The following EPHA5 variants were observed in gnomAD, a reference collection of about 807,000 sequenced individuals.
EPHA5 encodes the protein EPH receptor A5.
In EPHA5, 60 loss-of-function variants were observed where a neutral mutation model predicts 105.0. That is an observed-to-expected ratio of 0.57 (90% CI 0.46 to 0.71). The LOEUF (loss-of-function observed/expected upper bound fraction) is 0.71. EPHA5 is among the 30% of genes least tolerant of loss of function. EPHA5 has a pLI of 0.00. For missense variants in EPHA5, 1,218 were observed against 1,274.7 expected, an observed-to-expected ratio of 0.96 and a Z score of 0.68; for synonymous variants, 513 against 449.1, an observed-to-expected ratio of 1.14 and a Z score of -1.80.
At chr4:65,332,915 T>C (rs1214756679) in intron 15 of EPHA5, among the ~76,000 whole-genome samples, 1 of 151,904 alleles carries the variant, frequency 6.6e-6, no homozygotes, top group Non-Finnish European at 1.5e-5. Flanking sequence ...AAGAAACTAT[T>C]TATTCTTTAT....
At chr4:65,461,900 T>C (rs1405564746) in intron 5 of EPHA5, among the ~76,000 whole-genome samples, 1 of 151,892 alleles carries the variant, frequency 6.6e-6, no homozygotes, top group East Asian at 1.9e-4. Context: ...GAAACCCAGG[T>C]CAAGTCTACA....
chr4:65,570,675 T>A (rs1218164830), intron 3 of EPHA5, among the ~76,000 whole-genome samples: 1 of 151,992 alleles, frequency 6.6e-6, no homozygotes, highest in Non-Finnish European at 1.5e-5. Context: ...TAGCTATGTA[T>A]AAGTACTCTA....
At chr4:65,596,502 A>C (rs892411532) in intron 3 of EPHA5, among the ~76,000 whole-genome samples, 2 of 152,160 alleles carry the variant, frequency 1.3e-5, no homozygotes, top group Non-Finnish European at 2.9e-5. Flanking sequence ...ACAAACAAAA[A>C]ACAAAAAAAC....
chr4:65,536,497 C>T (rs1425711498), intron 3 of EPHA5, among the ~76,000 whole-genome samples: 1 of 151,842 alleles, frequency 6.6e-6, no homozygotes, highest in Non-Finnish European at 1.5e-5. Context: ...AGTTTTCTTA[C>T]ACTCTTTCAA....
At chr4:65,435,813 A>T (rs1047169179) in intron 5 of EPHA5, among the ~76,000 whole-genome samples, 4 of 129,670 alleles carry the variant, frequency 3.1e-5, no homozygotes, top group Non-Finnish European at 5.6e-5. Flanking sequence ...AAGCATAGAA[A>T]TGAAGCACTG....
intron 14 of EPHA5, among the ~76,000 whole-genome samples, chr4:65,346,006 A>G (rs1436662295): frequency 6.7e-6 from 1 of 149,104 alleles, no homozygotes; most frequent in Non-Finnish European, 1.5e-5. Context: ...CTCACGATCC[A>G]CCCGTCTCGG....
rs564497954 is a variant in EPHA5, at chr4:65,346,353, T to G, written c.2595+1701A>C. On this transcript the variant is annotated intron_variant, in intron 14 of 16. Coordinates refer to ENST00000613740, the MANE Select transcript of EPHA5 (RefSeq NM_001281766.3). ...CATTTTTCAACACATAAATTTATAA[T>G]TTTGTTAGTGAAAACTATCAAACTC... is the stretch of plus-strand genomic sequence containing the variant. Among the ~76,000 whole-genome samples, 363 of 152,180 alleles carry G rather than the reference T, an allele frequency of 2.4e-3. 3 individuals are homozygous for G. Among genetic ancestry groups the G allele is most frequent in the African/African-American group, 8.3e-3 (347 of 41,566 alleles).
rs987415892 is a variant in EPHA5 at position 65,636,842 on chromosome 4, C to T, written c.246+6521G>A. Among the ~76,000 whole-genome samples, 2 of 152,086 alleles carry T rather than the reference C, an allele frequency of 1.3e-5. 1 individual carries two copies. The highest frequency in any genetic ancestry group is 4.1e-4 in the South Asian group (2 of 4,820). ...ATTCTTCATTCTCAGGACCATAATGCTCCCTTAAGTTCTAGGATGTGAGGA... is the reference window on the plus strand; with the variant it reads ...ATTCTTCATTCTCAGGACCATAATGTTCCCTTAAGTTCTAGGATGTGAGGA... On this transcript the variant is annotated intron_variant, in intron 2 of 16. Transcript: ENST00000613740.
intron 3 of EPHA5, among the ~76,000 whole-genome samples, chr4:65,502,730 G>T (rs531436291): frequency 6.6e-6 from 1 of 151,866 alleles, no homozygotes; most frequent in Non-Finnish European, 1.5e-5. Flanking sequence ...ACTCAACCCA[G>T]TGATTCTATT....
At chr4:65,536,827 C>G (rs1193599869) in intron 3 of EPHA5, among the ~76,000 whole-genome samples, 2 of 150,984 alleles carry the variant, frequency 1.3e-5, no homozygotes, top group African/African-American at 4.9e-5. Context: ...ATTTAGATGT[C>G]AGTTTAATAG....
chr4:65,662,738 T>A (rs972910337), intron 1 of EPHA5, among the ~76,000 whole-genome samples: 3 of 152,072 alleles, frequency 2.0e-5, no homozygotes, highest in Admixed American at 6.5e-5. Context: ...TGATATTTTT[T>A]AAAAATAAGA....
At chr4:65,426,357 C>T (rs767719328) in intron 5 of EPHA5, among the ~76,000 whole-genome samples, 1 of 152,094 alleles carries the variant, frequency 6.6e-6, no homozygotes, top group Non-Finnish European at 1.5e-5. Flanking sequence ...CTCTAAATTG[C>T]CCTTCACTTT....
intron 5 of EPHA5, among the ~76,000 whole-genome samples, chr4:65,423,074 T>C (rs1450341572): frequency 6.6e-6 from 1 of 151,978 alleles, no homozygotes; most frequent in South Asian, 2.1e-4. Flanking sequence ...GTTATGGCAG[T>C]TTTTCAAAGT....
chr4:65,545,343 T>C lies in EPHA5; in HGVS notation c.911-49800A>G, dbSNP rs2149329599. Among the ~76,000 whole-genome samples the C allele has an allele frequency of 2.0e-5, 3 of 151,976 alleles. No individual in the cohort carries two copies. The Admixed American group carries it at 2.0e-4, about 10-fold the overall frequency. Reference sequence around the variant, plus strand: ...ATTTAGTAACCTCCAAACAGATGGATTCTCCATTTTCCAAAGTAACCCATC... The same window carrying C: ...ATTTAGTAACCTCCAAACAGATGGACTCTCCATTTTCCAAAGTAACCCATC... On this transcript the variant is annotated intron_variant, in intron 3 of 16. Transcript: ENST00000613740.
chr4:65,540,468 A>T (rs1451274318), intron 3 of EPHA5, among the ~76,000 whole-genome samples: 1 of 151,404 alleles, frequency 6.6e-6, no homozygotes, highest in Non-Finnish European at 1.5e-5. Flanking sequence ...TAATTGTTTG[A>T]AAAATAATTT....
At chr4:65,503,743 T>C (rs1432601667) in intron 3 of EPHA5, among the ~76,000 whole-genome samples, 1 of 151,800 alleles carries the variant, frequency 6.6e-6, no homozygotes, top group East Asian at 1.9e-4. Flanking sequence ...AATTAAGACA[T>C]TTTTCTTACC....
At chr4:65,442,737 A>G (rs1726142678) in intron 5 of EPHA5, among the ~76,000 whole-genome samples, 1 of 152,332 alleles carries the variant, frequency 6.6e-6, no homozygotes, top group African/African-American at 2.4e-5. Flanking sequence ...TGCCCACCAC[A>G]ACCATATTTT....
intron 3 of EPHA5, among the ~76,000 whole-genome samples, chr4:65,576,115 A>AAAGAAAAGAAAAAAG (rs1553943548): frequency 1.5e-3 from 68 of 45,550 alleles, no homozygotes; most frequent in South Asian, 2.6e-3. Context: ...AAAGAAAAGA[A>AAAGAAAAGAAAAAAG]AAAAGAAAAG....
intron 3 of EPHA5, among the ~76,000 whole-genome samples, chr4:65,541,243 C>T (rs1331260847): frequency 6.6e-6 from 1 of 151,666 alleles, no homozygotes; most frequent in African/African-American, 2.4e-5. Flanking sequence ...ATAAAATTCA[C>T]ATATAACAAA....
Sources: allele counts gnomAD v4.1 joint callset (sites outside exome capture counted in the v4.1 genomes callset), GRCh38; gene constraint gnomAD v4.1.1; transcripts MANE v1.5; gene names NCBI Gene and HGNC (gene_info 2026-07-23, HGNC 2026-07-21).